The following COMT variants were observed in gnomAD, a reference collection of about 807,000 sequenced individuals.
COMT encodes the protein catechol-O-methyltransferase.
A neutral mutation model predicts 18.9 loss-of-function variants in COMT; 13 were observed. The observed-to-expected ratio is 0.69, with a 90% confidence interval of 0.45 to 1.09. COMT has a LOEUF of 1.09. Ranked by LOEUF, COMT falls within the 50% of genes least tolerant of loss-of-function variation. The pLI, the probability that COMT is intolerant of heterozygous loss-of-function variation, is 0.00. For synonymous variants in COMT, 150 were observed against 160.9 expected, an observed-to-expected ratio of 0.93 and a Z score of 0.51; for missense variants, 329 against 361.8, an observed-to-expected ratio of 0.91 and a Z score of 0.73.
intron 1 of COMT, among the ~76,000 whole-genome samples, chr22:19,956,327 G>C (rs1400003500): frequency 2.8e-5 from 4 of 140,976 alleles, no homozygotes; most frequent in Non-Finnish European, 4.6e-5. Context: ...ATTTTTAGCA[G>C]AGACAGGGTT....
In COMT at chr22:19,968,744, C is replaced by T. The variant is rs768200645; in HGVS notation, c.*8C>T. The T allele has an allele frequency of 6.2e-7, 1 of 1,608,700 alleles. No individual in the cohort carries two copies. The highest frequency in any genetic ancestry group is 1.1e-5 in the South Asian group (1 of 90,834). ...AGCGAAGCAGGGCCCTGACTGCCCCCCCGGCCCCCCTCTCGGGCTCTCTCA... is the reference window on the plus strand; with the variant it reads ...AGCGAAGCAGGGCCCTGACTGCCCCTCCGGCCCCCCTCTCGGGCTCTCTCA... On this transcript the variant is annotated 3_prime_UTR_variant, in exon 6 of 6. Coordinates refer to ENST00000361682, the MANE Select transcript of COMT (RefSeq NM_000754.4).
At chr22:19,959,937 G>A (rs1384454483) in intron 1 of COMT, among the ~76,000 whole-genome samples, 4 of 152,230 alleles carry the variant, frequency 2.6e-5, no homozygotes, top group African/African-American at 4.8e-5. Flanking sequence ...GGCGGGCACT[G>A]GGTGCCTCCT....
chr22:19,944,435 C>T (rs1162016979), intron 1 of COMT, among the ~76,000 whole-genome samples: 2 of 151,980 alleles, frequency 1.3e-5, no homozygotes, highest in Non-Finnish European at 2.9e-5. Context: ...GAGGCTGAGG[C>T]GGGATAATCG....
At chr22:19,966,362 G>A (rs1346909423) in intron 5 of COMT, among the ~76,000 whole-genome samples, 1 of 151,562 alleles carries the variant, frequency 6.6e-6, no homozygotes, top group East Asian at 1.9e-4. Flanking sequence ...GCTGCTTTGA[G>A]GAGGCCTCTC....
chr22:19,961,555 T>TTTCTAAA (rs956325521), intron 2 of COMT: 16 of 152,368 alleles, frequency 1.1e-4, no homozygotes, highest in African/African-American at 3.4e-4. Flanking sequence ...CCTCCTTGCC[T>TTTCTAAA]GGGTGTGCCT....
At chr22:19,952,620 C>G (rs1212947277) in intron 1 of COMT, among the ~76,000 whole-genome samples, 1 of 148,108 alleles carries the variant, frequency 6.8e-6, no homozygotes, top group East Asian at 2.0e-4. Flanking sequence ...GCCTGGGAGA[C>G]AGAGCAAGAC....
At chr22:19,955,003 T>C (rs1293242758) in intron 1 of COMT, among the ~76,000 whole-genome samples, 3 of 152,152 alleles carry the variant, frequency 2.0e-5, no homozygotes, top group Non-Finnish European at 4.4e-5. Context: ...CTGGATTTGA[T>C]GGCATTTTTA....
rs755852074 is a variant in COMT, at chr22:19,968,746, CG to C, written c.*12del. 9.3e-6 allele frequency: 15 copies of C among 1,608,056 alleles called. No homozygotes were observed. The Admixed American group carries it at 2.3e-4, about 25-fold the overall frequency. ...CGAAGCAGGGCCCTGACTGCCCCCCCGGCCCCCCTCTCGGGCTCTCTCACCC... is the reference window on the plus strand; with the variant it reads ...CGAAGCAGGGCCCTGACTGCCCCCCCGCCCCCCTCTCGGGCTCTCTCACCC... On this transcript the variant is annotated 3_prime_UTR_variant, in exon 6 of 6. Transcript: ENST00000361682.
chr22:19,948,616 C>T (rs1249314362), intron 1 of COMT, among the ~76,000 whole-genome samples: 1 of 152,116 alleles, frequency 6.6e-6, no homozygotes, highest in Non-Finnish European at 1.5e-5. Flanking sequence ...GCTGTAATTG[C>T]ACCACTGCAC....
chr22:19,967,747 G>A (rs1285328997), intron 5 of COMT: 2 of 267,860 alleles, frequency 7.5e-6, no homozygotes, highest in Non-Finnish European at 1.5e-5. Flanking sequence ...AAGACAAGGT[G>A]ACTGGGGTGT....
At chr22:19,948,523 G>A (rs1941875970) in intron 1 of COMT, among the ~76,000 whole-genome samples, 1 of 152,086 alleles carries the variant, frequency 6.6e-6, no homozygotes, top group African/African-American at 2.4e-5. Flanking sequence ...AGCTGGGCAT[G>A]GTGGTACATG....
At chr22:19,966,167 G>C (rs959589581) in intron 5 of COMT, among the ~76,000 whole-genome samples, 3 of 152,218 alleles carry the variant, frequency 2.0e-5, no homozygotes, top group African/African-American at 7.2e-5. Context: ...GTCATGAATT[G>C]GGAATGGGTG....
intron 1 of COMT, among the ~76,000 whole-genome samples, chr22:19,950,263 T>TTTTTTTTTTTC: frequency 1.5e-5 from 2 of 132,370 alleles, no homozygotes; most frequent in South Asian, 2.4e-4. Context: ...TTTTTTTTTT[T>TTTTTTTTTTTC]CTGTAGAGAC....
rs144570896 is a variant in COMT at position 19,947,627 on chromosome 22, A to C, written c.-92+5730A>C. On this transcript the variant is annotated intron_variant, in intron 1 of 5. Transcript: ENST00000361682. ...CTTTAGTACTTTCACTAATTTTGTT[A>C]CTGCTAGTTAGAAGGCATAGCCAGG... is the stretch of plus-strand genomic sequence containing the variant. Among the ~76,000 whole-genome samples, 325 of 152,278 alleles carry C rather than the reference A, an allele frequency of 2.1e-3. 2 individuals carry two copies. Among genetic ancestry groups the C allele is most frequent in the Non-Finnish European group, 1.9e-3 (130 of 68,010 alleles).
chr22:19,953,912 C>G (rs953194708), intron 1 of COMT, among the ~76,000 whole-genome samples: 8 of 152,120 alleles, frequency 5.3e-5, no homozygotes, highest in Non-Finnish European at 8.8e-5. Flanking sequence ...CAGGAGAACA[C>G]CCTTGAAGGA....
chr22:19,944,681 G>T (rs1941807328), intron 1 of COMT, among the ~76,000 whole-genome samples: 2 of 151,998 alleles, frequency 1.3e-5, no homozygotes, highest in Non-Finnish European at 1.5e-5. Context: ...AATTAGCCAG[G>T]CGTGGTGGCG....
chr22:19,964,482 G>A, intron 5 of COMT, 183 bp downstream of exon 5: 1 of 919,866 alleles, frequency 1.1e-6, no homozygotes, highest in African/African-American at 1.6e-5. Context: ...GGTGGAGATG[G>A]GTGGGGAGCT....
Position 19,963,591 on chromosome 22 carries a change from G to A in COMT, c.315G>A (p.Gln105=), listed in dbSNP as rs927668823. The A allele has an allele frequency of 2.5e-6, 4 of 1,612,786 alleles. No homozygotes were observed. The highest frequency in any genetic ancestry group is 3.4e-6 in the Non-Finnish European group (4 of 1,180,010). ...GCAAGATCGTGGACGCCGTGATTCA[G>A]GAGCACCAGCCCTCCGTGCTGCTGG... is the stretch of plus-strand genomic sequence containing the variant. ...KKGKIVDAVI[Q]EHQPSVLLEL... The change falls in exon 4 of 6, where the codon CAG becomes CAA. Residue 105 remains glutamine, a synonymous_variant. Coordinates refer to ENST00000361682, the MANE Select transcript of COMT (RefSeq NM_000754.4).
At chr22:19,954,653 A>C (rs3819621) in intron 1 of COMT, among the ~76,000 whole-genome samples, 3 of 152,000 alleles carry the variant, frequency 2.0e-5, no homozygotes. Context: ...GGGTTTCACC[A>C]TGTTGGTCAG....
Sources: gnomAD v4.1 joint callset for allele counts (sites outside exome capture counted in the v4.1 genomes callset) on GRCh38, gnomAD v4.1.1 for gene constraint, MANE v1.5 for transcripts, NCBI Gene and HGNC (gene_info 2026-07-23, HGNC 2026-07-21) for gene names.